Variants in MRGPRE observed in about 807,000 individuals in gnomAD.
MRGPRE encodes MAS related GPR family member E.
For missense variants in MRGPRE, 466 were observed against 433.4 expected (o/e 1.08, Z -0.67); for synonymous variants, 229 against 206.7 (o/e 1.11, Z -0.92).
rs368971331 is a variant in MRGPRE, at chr11:3,228,493, G to T, written c.307C>A (p.Arg103Ser). The change falls in exon 2 of 2, where the codon CGC becomes AGC. Residue 103 changes from arginine (R) to serine (S), a missense_variant. By Grantham distance (110) the Arg-to-Ser change is moderately radical. Transcript: ENST00000389832. ...GFVQTSLATLRFFCYIVGLSL... is the reference protein window; with the variant it reads ...GFVQTSLATLSFFCYIVGLSL... ...AGGCCCACGATGTAGCAGAAGAAGC[G>T]CAGCGTTGCCAGGCTGGTCTGCACG... The T allele has an allele frequency of 2.5e-6, 4 of 1,613,592 alleles. No homozygotes were observed. The highest frequency in any genetic ancestry group is 3.4e-6 in the Non-Finnish European group (4 of 1,179,988).
chr11:3,228,858 C>T lies in MRGPRE; in HGVS notation c.-59G>A, dbSNP rs977423565. The T allele has an allele frequency of 5.2e-6, 7 of 1,352,144 alleles. No individual in the cohort carries two copies. Among genetic ancestry groups the T allele is most frequent in the Non-Finnish European group, 7.1e-6 (7 of 984,800 alleles). The allele number at this position is 1,352,144 out of a possible 1,614,324, so 83.8% of individuals were successfully genotyped here. A position where few individuals can be genotyped will look rare whatever the true frequency, so the allele number is the denominator to read the frequency against. On this transcript the variant is annotated splice_region_variant and 5_prime_UTR_variant, in exon 2 of 2. Transcript: ENST00000389832. ...GTTCTGCTCGCTCTCTCTCCTGATG[C>T]CCCTGTAAACCACAACAGTTGAGTC...
In MRGPRE at chr11:3,226,454, C is replaced by G. The variant is rs891681081; in HGVS notation, c.*1407G>C. 5 of 152,284 alleles carry G rather than the reference C, an allele frequency of 3.3e-5. No homozygotes were observed. Among genetic ancestry groups the G allele is most frequent in the Non-Finnish European group, 7.3e-5 (5 of 68,074 alleles). 9.4% of individuals were successfully genotyped at this position (152,284 alleles called of 1,614,324 possible). The stretch of plus-strand genomic sequence containing the variant: ...TGCTCTAGGAGAGGTGGGTCCAGCC[C>G]CTGGGGCTCCCAGTCTCAAGGGATA... On this transcript the variant is annotated 3_prime_UTR_variant, in exon 2 of 2. Transcript: ENST00000389832.
rs373313620 is a variant in MRGPRE, at chr11:3,228,272, C to T, written c.528G>A (p.Thr176=). Residue 176 remains threonine, a synonymous_variant, in exon 2 of 2, where the codon ACG becomes ACA. Transcript: ENST00000389832. ...FGEPSRHLCR[T]LWLVAAVLLA... The stretch of plus-strand genomic sequence containing the variant: ...GCAGCACCGCTGCCACCAGCCACAG[C>T]GTCCGGCACAAGTGGCGGCTGGGCT... 41 of 1,556,218 alleles carry T rather than the reference C, an allele frequency of 2.6e-5. No homozygotes were observed. The highest frequency in any genetic ancestry group is 3.4e-5 in the Non-Finnish European group (39 of 1,151,818).
chr11:3,228,295 G>A lies in MRGPRE; in HGVS notation c.505C>T (p.Pro169Ser). ...AGCGTCCGGCACAAGTGGCGGCTGGGCTCCCCGAAGAACTGGGTGCAGGCG... is the reference window on the plus strand; with the variant it reads ...AGCGTCCGGCACAAGTGGCGGCTGGACTCCCCGAAGAACTGGGTGCAGGCG... Reference protein sequence around the residue: ...SGACTQFFGEPSRHLCRTLWL... With the variant: ...SGACTQFFGESSRHLCRTLWL... Residue 169 changes from proline to serine, a missense_variant, in exon 2 of 2, where the codon CCC (proline) becomes TCC (serine). Pro to Ser is a moderately conservative substitution (Grantham distance 74). Transcript: ENST00000389832. 6.4e-7 allele frequency: 1 copy of A among 1,554,010 alleles called. No homozygotes were observed. The highest frequency in any genetic ancestry group is 8.7e-7 in the Non-Finnish European group (1 of 1,151,674).
chr11:3,226,850 G>A lies in MRGPRE; in HGVS notation c.*1011C>T, dbSNP rs970049712. On this transcript the variant is annotated 3_prime_UTR_variant, in exon 2 of 2. Coordinates refer to ENST00000389832, the MANE Select transcript of MRGPRE (RefSeq NM_001039165.4). ...ATTTTACAGACCAGCAAACAGAGGCGTAGGGATGTTCAGAGATGGCCTTGG... is the reference window on the plus strand; with the variant it reads ...ATTTTACAGACCAGCAAACAGAGGCATAGGGATGTTCAGAGATGGCCTTGG... 2.6e-5 allele frequency among the ~76,000 whole-genome samples: 4 copies of A among 152,230 alleles called. No individual in the cohort carries two copies. Among genetic ancestry groups the A allele is most frequent in the Admixed American group, 1.3e-4 (2 of 15,290 alleles).
rs1590772122 is a variant in MRGPRE at position 3,229,110 on chromosome 11, T to G, written c.-61-250A>C. 6.6e-6 allele frequency among the ~76,000 whole-genome samples: 1 copy of G among 151,560 alleles called. No homozygotes were observed. Among genetic ancestry groups the G allele is most frequent in the African/African-American group, 2.4e-5 (1 of 41,178 alleles). On this transcript the variant is annotated intron_variant, in intron 1 of 1. Coordinates refer to ENST00000389832, the MANE Select transcript of MRGPRE (RefSeq NM_001039165.4). This position sits in a 1 kb window ranked among gnomAD's most constrained non-coding sequence, Gnocchi z 4.4. ...CCTCAAGAGCCTTCCGTGGGGCTGG[T>G]CCCTGTAGGCCAGGTGGGGGCAGGG...
At chr11:3,228,945 G>T in intron 1 of MRGPRE, 85 bp from the exon 2 acceptor site, 1 of 654,990 alleles carries the variant, frequency 1.5e-6, no homozygotes, top group Non-Finnish European at 2.6e-6. Context: ...GAGTTGGGTG[G>T]GTGACCAAGG....
In MRGPRE at chr11:3,227,704, G is replaced by T. The variant is rs1847777403; in HGVS notation, c.*157C>A. The T allele has an allele frequency of 1.8e-6, 1 of 568,704 alleles. No individual in the cohort carries two copies. Among genetic ancestry groups the T allele is most frequent in the Non-Finnish European group, 2.9e-6 (1 of 350,384 alleles). 35.2% of individuals were successfully genotyped at this position (568,704 alleles called of 1,614,324 possible). On this transcript the variant is annotated 3_prime_UTR_variant, in exon 2 of 2. Coordinates refer to ENST00000389832, the MANE Select transcript of MRGPRE (RefSeq NM_001039165.4). ...CAGCTGCCTCCCAGGGGAGCCTCAT[G>T]CTCCAGACCAAGGGTCACAACTTTG...
Position 3,229,942 on chromosome 11 carries a change from C to T in MRGPRE, c.-61-1082G>A, listed in dbSNP as rs551851525. Among the ~76,000 whole-genome samples, 4 of 152,292 alleles carry T rather than the reference C, an allele frequency of 2.6e-5. No individual in the cohort carries two copies. Among genetic ancestry groups the T allele is most frequent in the South Asian group, 2.1e-4 (1 of 4,828 alleles). On this transcript the variant is annotated intron_variant, in intron 1 of 1. Coordinates refer to ENST00000389832, the MANE Select transcript of MRGPRE (RefSeq NM_001039165.4). The surrounding 1 kb of genome is among the most constrained non-coding windows in gnomAD (Gnocchi z 4.4). ...TCCCTCCATCCCCTCCCAAGGCAGTCGGCTCACGGGGACAGGTCCTGCGGG... is the reference window on the plus strand; with the variant it reads ...TCCCTCCATCCCCTCCCAAGGCAGTTGGCTCACGGGGACAGGTCCTGCGGG...
In MRGPRE at chr11:3,227,070, G is replaced by T. The variant is rs1179370851; in HGVS notation, c.*791C>A. On this transcript the variant is annotated 3_prime_UTR_variant, in exon 2 of 2. Transcript: ENST00000389832. ...GGAGCGGGACTTGCTCAGGACAGAG[G>T]CGGGTGAACTGCCTTGGATGGGGCC... Among the ~76,000 whole-genome samples, 1 of 152,204 alleles carries T rather than the reference G, an allele frequency of 6.6e-6. No homozygotes were observed.
At position 3,228,098 on chromosome 11, in the gene MRGPRE, G is replaced by T; in HGVS notation, c.702C>A (p.Gly234=). ...LLFLFCGLPF[G]IYWLSRNLLW... ...GCAGGTTCCGGGACAGCCAGTAGATGCCGAAGGGCAGGCCGCAGAAGAGGA... is the reference window on the plus strand; with the variant it reads ...GCAGGTTCCGGGACAGCCAGTAGATTCCGAAGGGCAGGCCGCAGAAGAGGA... The change falls in exon 2 of 2, where the codon GGC becomes GGA. Residue 234 remains glycine, a synonymous_variant. Coordinates refer to ENST00000389832, the MANE Select transcript of MRGPRE (RefSeq NM_001039165.4). 6.2e-7 allele frequency: 1 copy of T among 1,601,618 alleles called. No individual in the cohort carries two copies. Among genetic ancestry groups the T allele is most frequent in the Admixed American group, 1.7e-5 (1 of 57,622 alleles).
In MRGPRE at chr11:3,225,262, G is replaced by A. The variant is rs528037024; in HGVS notation, c.*2599C>T. Among the ~76,000 whole-genome samples the A allele has an allele frequency of 5.9e-5, 9 of 152,376 alleles. No homozygotes were observed. The highest frequency in any genetic ancestry group is 2.2e-4 in the African/African-American group (9 of 41,592). ...CCTCCCTGGGCCCTGAGGACGGAGC[G>A]GGTTACACAGGCTCCCTGGAATGTT... On this transcript the variant is annotated 3_prime_UTR_variant, in exon 2 of 2. Coordinates refer to ENST00000389832, the MANE Select transcript of MRGPRE (RefSeq NM_001039165.4).
Position 3,228,395 on chromosome 11 carries a change from G to A in MRGPRE, c.405C>T (p.Arg135=), listed in dbSNP as rs1227604626. The change falls in exon 2 of 2, where the codon CGC becomes CGT. Residue 135 remains arginine (R), a synonymous_variant. Transcript: ENST00000389832. The stretch of plus-strand genomic sequence containing the variant: ...ACACACAGGTGGTCAGGTGGCGTGG[G>A]CGGCGGCACGAGTACCAGGCTGGGA... ...ALFPAWYSCR[R]PRHLTTCVCA... 3.8e-6 allele frequency: 6 copies of A among 1,599,826 alleles called. No individual in the cohort carries two copies. The highest frequency in any genetic ancestry group is 5.1e-6 in the Non-Finnish European group (6 of 1,175,082).
rs1054881725 is a variant in MRGPRE at position 3,225,747 on chromosome 11, A to G, written c.*2114T>C. On this transcript the variant is annotated 3_prime_UTR_variant, in exon 2 of 2. Coordinates refer to ENST00000389832, the MANE Select transcript of MRGPRE (RefSeq NM_001039165.4). ...TACCTGCTGCCACAGCAGCTACTAG[A>G]GTGGGGACGAGCTGGGCCCAGTTTC... 6.6e-6 allele frequency among the ~76,000 whole-genome samples: 1 copy of G among 152,148 alleles called. No homozygotes were observed. Among genetic ancestry groups the G allele is most frequent in the African/African-American group, 2.4e-5 (1 of 41,426 alleles).
In MRGPRE at chr11:3,228,616, G is replaced by T. The variant is rs1377288169; in HGVS notation, c.184C>A (p.Leu62Ile). 6.2e-7 allele frequency: 1 copy of T among 1,614,104 alleles called. No individual in the cohort carries two copies. Among genetic ancestry groups the T allele is most frequent in the East Asian group, 2.2e-5 (1 of 44,862 alleles). ...NVYRNPFAIY[L>I]LDVACADLIF... ...AGATCCGCGCAGGCCACGTCCAGGA[G>T]GTAGATGGCGAAGGGGTTTCTGTAG... The change falls in exon 2 of 2, where the codon CTC (leucine) becomes ATC (isoleucine). Residue 62 changes from leucine (L) to isoleucine (I), a missense_variant. Coordinates refer to ENST00000389832, the MANE Select transcript of MRGPRE (RefSeq NM_001039165.4).
At position 3,228,760 on chromosome 11, in the gene MRGPRE, C is replaced by T. The variant is rs370026011; in HGVS notation, c.40G>A (p.Ala14Thr). Residue 14 changes from alanine to threonine, a missense_variant, in exon 2 of 2, where the codon GCC (alanine) becomes ACC (threonine). Physicochemically the swap from Ala to Thr is moderately conservative, Grantham distance 58. Transcript: ENST00000389832. ...GCCACATCCTCCTGGGCGCCGTTGG[C>T]GGCCCCCACGTGCTGTCCAGCTTCT... ...PREAGQHVGAANGAQEDVAFN... is the reference protein window; with the variant it reads ...PREAGQHVGATNGAQEDVAFN... 1.3e-4 allele frequency: 214 copies of T among 1,611,948 alleles called. 1 individual carries two copies. In the East Asian group the frequency reaches 2.3e-3, roughly 17 times the overall value.
rs1337436165 is a variant in MRGPRE, at chr11:3,227,850, G to A, written c.*11C>T. 4.2e-6 allele frequency: 6 copies of A among 1,434,060 alleles called. No homozygotes were observed. Among genetic ancestry groups the A allele is most frequent in the Non-Finnish European group, 5.5e-6 (6 of 1,094,190 alleles). 88.8% of individuals were successfully genotyped at this position (1,434,060 alleles called of 1,614,324 possible). ...CACGGGGGCTGCAGCTGGGGTCGGG[G>A]GCCCCAGGGCTCAGGCTGCTATGTC... On this transcript the variant is annotated 3_prime_UTR_variant, in exon 2 of 2. Coordinates refer to ENST00000389832, the MANE Select transcript of MRGPRE (RefSeq NM_001039165.4).
At position 3,230,256 on chromosome 11, in the gene MRGPRE, AC is replaced by A. The variant is rs1285323370; in HGVS notation, c.-61-1397del. ...AGAGACTGGCTGGGGTCAGGGGCCG[AC>A]ACCAGGTGCCCCTCCCACCTTGGTG... On this transcript the variant is annotated intron_variant, in intron 1 of 1. Transcript: ENST00000389832. The surrounding 1 kb of genome is among the most constrained non-coding windows in gnomAD (Gnocchi z 5.5). Among the ~76,000 whole-genome samples, 5 of 151,222 alleles carry A rather than the reference AC, an allele frequency of 3.3e-5. No homozygotes were observed. Among genetic ancestry groups the A allele is most frequent in the African/African-American group, 1.2e-4 (5 of 41,222 alleles).
rs1294888226 is a variant in MRGPRE at position 3,225,842 on chromosome 11, G to C, written c.*2019C>G. ...AGGGGCTAATAAGGAGGAATCTAGA[G>C]CCACTCCAATCCCCTGGATGCTGAG... On this transcript the variant is annotated 3_prime_UTR_variant, in exon 2 of 2. Coordinates refer to ENST00000389832, the MANE Select transcript of MRGPRE (RefSeq NM_001039165.4). Among the ~76,000 whole-genome samples, 1 of 152,228 alleles carries C rather than the reference G, an allele frequency of 6.6e-6. No individual in the cohort carries two copies. The highest frequency in any genetic ancestry group is 1.5e-5 in the Non-Finnish European group (1 of 68,026).
Sources: allele counts gnomAD v4.1 joint callset (sites outside exome capture counted in the v4.1 genomes callset), GRCh38; gene constraint gnomAD v4.1.1; non-coding constraint Gnocchi (gnomAD v3.1); transcripts MANE v1.5; gene names NCBI Gene and HGNC (gene_info 2026-07-23, HGNC 2026-07-21).